Variants in TMEM207 observed in about 807,000 individuals in gnomAD.
TMEM207 encodes transmembrane protein 207.
Under a neutral mutation model 17.4 loss-of-function variants are expected in TMEM207, and 15 were observed. That is an observed-to-expected ratio of 0.86 (90% CI 0.58 to 1.33). The LOEUF is 1.33. Ranked by LOEUF, TMEM207 falls within the 40% of genes most tolerant of loss-of-function variation. The pLI, the probability that TMEM207 is intolerant of heterozygous loss-of-function variation, is 0.00. For synonymous variants in TMEM207, 70 were observed against 65.6 expected, an observed-to-expected ratio of 1.07 and a Z score of -0.33; for missense variants, 205 against 173.8, an observed-to-expected ratio of 1.18 and a Z score of -1.01.
At chr3:190,429,916 A>G (rs1182078821) in intron 4 of TMEM207, among the ~76,000 whole-genome samples, 185 bp from the exon 5 acceptor site, 2 of 82,838 alleles carry the variant, frequency 2.4e-5, no homozygotes, top group South Asian at 3.8e-4. Flanking sequence ...ACAGGGGGGA[A>G]AAAAAAAATT....
chr3:190,435,195 C>T (rs578186173), intron 4 of TMEM207, among the ~76,000 whole-genome samples: 3 of 152,280 alleles, frequency 2.0e-5, no homozygotes, highest in South Asian at 2.1e-4. Flanking sequence ...CATTTTCTCA[C>T]GATTGTGGAG....
At position 190,440,344 on chromosome 3, in the gene TMEM207, A is replaced by G. The variant is rs774959762; in HGVS notation, c.204T>C (p.Ala68=). 2 of 1,613,964 alleles carry G rather than the reference A, an allele frequency of 1.2e-6. No individual in the cohort carries two copies. Among genetic ancestry groups the G allele is most frequent in the Non-Finnish European group, 1.7e-6 (2 of 1,179,964 alleles). The change falls in exon 4 of 5, where the codon GCT becomes GCC. Residue 68 remains alanine (A), a synonymous_variant. Coordinates refer to ENST00000354905, the MANE Select transcript of TMEM207 (RefSeq NM_207316.3). The part of the protein sequence containing the change: ...LVLVAALLCG[A]VVLCLQCWLR... Reference sequence around the variant, plus strand: ...GCCAGCACTGGAGGCAGAGGACCACAGCTCCACAGAGAAGAGCTGCCACCA... The same window carrying G: ...GCCAGCACTGGAGGCAGAGGACCACGGCTCCACAGAGAAGAGCTGCCACCA...
Position 190,440,379 on chromosome 3 carries a change from G to C in TMEM207, c.169C>G (p.Leu57Val), listed in dbSNP as rs35161724. Residue 57 changes from leucine to valine, a missense_variant, in exon 4 of 5, where the codon CTG (leucine) becomes GTG (valine). By Grantham distance (32) the Leu-to-Val change is conservative (BLOSUM62 1). Coordinates refer to ENST00000354905, the MANE Select transcript of TMEM207 (RefSeq NM_207316.3). ...PNGWYIWILLLLVLVAALLCG... is the reference protein window; with the variant it reads ...PNGWYIWILLVLVLVAALLCG... ...AGAAGAGCTGCCACCAAAACCAGCAGCAGGAGGATCCTGACTCCAAAAGTA... is the reference window on the plus strand; with the variant it reads ...AGAAGAGCTGCCACCAAAACCAGCACCAGGAGGATCCTGACTCCAAAAGTA... The C allele has an allele frequency of 0.13, 202,939 of 1,610,356 alleles. 14,350 individuals carry two copies. Among genetic ancestry groups the C allele is most frequent in the Non-Finnish European group, 0.15 (173,780 of 1,178,608 alleles).
rs756766626 is a variant in TMEM207 at position 190,440,295 on chromosome 3, G to A, written c.253C>T (p.His85Tyr). The change falls in exon 4 of 5, where the codon CAC becomes TAC. Residue 85 changes from histidine (H) to tyrosine (Y), a missense_variant. By Grantham distance (83) the His-to-Tyr change is moderately conservative (BLOSUM62 2). Coordinates refer to ENST00000354905, the MANE Select transcript of TMEM207 (RefSeq NM_207316.3). Reference sequence around the variant, plus strand: ...GCAAAAACTGCCATGGTGCGCCTGTGAGAATCAATTCGGGGTCTCCTCAGC... The same window carrying A: ...GCAAAAACTGCCATGGTGCGCCTGTAAGAATCAATTCGGGGTCTCCTCAGC... ...CWLRRPRIDS[H>Y]RRTMAVFAVG... is the part of the protein sequence containing the mutation. 6.2e-7 allele frequency: 1 copy of A among 1,613,796 alleles called. No homozygotes were observed. Among genetic ancestry groups the A allele is most frequent in the South Asian group, 1.1e-5 (1 of 90,926 alleles).
At chr3:190,444,934 G>A (rs555584031) in intron 2 of TMEM207, among the ~76,000 whole-genome samples, 1 of 152,230 alleles carries the variant, frequency 6.6e-6, no homozygotes, top group East Asian at 1.9e-4. Flanking sequence ...AGGGATGGAT[G>A]AGTCACAAAT....
chr3:190,445,402 AAGAC>A, intron 2 of TMEM207, among the ~76,000 whole-genome samples: 1 of 152,366 alleles, frequency 6.6e-6, no homozygotes, highest in East Asian at 1.9e-4. Flanking sequence ...ATTTTATACA[AAGAC>A]AGCACAGCAA....
At chr3:190,445,281 C>T (rs540653090) in intron 2 of TMEM207, among the ~76,000 whole-genome samples, 1 of 152,112 alleles carries the variant, frequency 6.6e-6, no homozygotes, top group Non-Finnish European at 1.5e-5. Flanking sequence ...TTTGTTCATT[C>T]ATGCACATCA....
chr3:190,443,643 C>T (rs1209660191), intron 2 of TMEM207, among the ~76,000 whole-genome samples: 2 of 152,112 alleles, frequency 1.3e-5, no homozygotes, highest in African/African-American at 2.4e-5. Context: ...TCTTTTGGCT[C>T]CATATGCTCC....
Position 190,429,560 on chromosome 3 carries a change from C to T in TMEM207, c.*35G>A, listed in dbSNP as rs1209904446. On this transcript the variant is annotated 3_prime_UTR_variant, in exon 5 of 5. Transcript: ENST00000354905. ...TTTGATGTTTTGGAATTACAGATGT[C>T]GTTAATACTTTAAATTGATAATCCA... 5.0e-6 allele frequency: 8 copies of T among 1,606,518 alleles called. No individual in the cohort carries two copies. Among genetic ancestry groups the T allele is most frequent in the African/African-American group, 2.7e-5 (2 of 74,650 alleles).
chr3:190,443,463 G>A (rs1410301550), intron 2 of TMEM207, among the ~76,000 whole-genome samples: 3 of 151,974 alleles, frequency 2.0e-5, no homozygotes, highest in Non-Finnish European at 4.4e-5. Context: ...AACATGGCTA[G>A]GAAGCAGTTA....
chr3:190,446,276 ATATAGT>A (rs1183199699), intron 2 of TMEM207, among the ~76,000 whole-genome samples: 1 of 152,210 alleles, frequency 6.6e-6, no homozygotes, highest in Non-Finnish European at 1.5e-5. Context: ...TCTTGTATAA[ATATAGT>A]TAGAGAAAGA....
At chr3:190,443,120 T>C (rs1245108550) in intron 2 of TMEM207, among the ~76,000 whole-genome samples, 1 of 151,958 alleles carries the variant, frequency 6.6e-6, no homozygotes, top group African/African-American at 2.4e-5. Context: ...GAAATTCTCT[T>C]GGTGTCCTGA....
chr3:190,439,153 G>A (rs1719873058), intron 4 of TMEM207, among the ~76,000 whole-genome samples: 2 of 147,976 alleles, frequency 1.4e-5, no homozygotes, highest in Admixed American at 6.7e-5. Context: ...CTCCCGCCTG[G>A]GCGACAGAGC....
rs1719901328 is a variant in TMEM207, at chr3:190,440,286, T to C, written c.262A>G (p.Thr88Ala). ...TCTCCAACAGCAAAAACTGCCATGG[T>C]GCGCCTGTGAGAATCAATTCGGGGT... ...RRPRIDSHRR[T>A]MAVFAVGDLD... Residue 88 changes from threonine (T) to alanine (A), a missense_variant, in exon 4 of 5, where the codon ACC (threonine) becomes GCC (alanine). Physicochemically the swap from Thr to Ala is moderately conservative, Grantham distance 58. Transcript: ENST00000354905. 3 of 1,613,912 alleles carry C rather than the reference T, an allele frequency of 1.9e-6. No individual in the cohort carries two copies. In the African/African-American group the frequency reaches 4.0e-5, roughly 22 times the overall value.
intron 2 of TMEM207, chr3:190,444,531 C>T: frequency 1.2e-6 from 1 of 849,504 alleles, no homozygotes; most frequent in Non-Finnish European, 1.4e-6. Flanking sequence ...GAAATGAGAG[C>T]CTGGTGAGGA....
At position 190,447,866 on chromosome 3, in the gene TMEM207, C is replaced by T. The variant is rs200484486; in HGVS notation, c.76-39G>A. Reference sequence around the variant, plus strand: ...TTAGAACAATAAAATCCAAACATCTCATCAGTCTAATCCTTTAATACAAGC... The same window carrying T: ...TTAGAACAATAAAATCCAAACATCTTATCAGTCTAATCCTTTAATACAAGC... On this transcript the variant is annotated intron_variant, in intron 1 of 4. Coordinates refer to ENST00000354905, the MANE Select transcript of TMEM207 (RefSeq NM_207316.3). The T allele has an allele frequency of 1.6e-5, 25 of 1,597,248 alleles. No homozygotes were observed. In the African/African-American group the frequency reaches 3.2e-4, roughly 21 times the overall value.
chr3:190,438,428 C>T (rs918123458), intron 4 of TMEM207, among the ~76,000 whole-genome samples: 1 of 151,916 alleles, frequency 6.6e-6, no homozygotes. Flanking sequence ...CCTTCACACT[C>T]ATGACATTCA....
intron 2 of TMEM207, among the ~76,000 whole-genome samples, chr3:190,442,771 C>A (rs1719961690): frequency 6.6e-6 from 1 of 151,806 alleles, no homozygotes; most frequent in Non-Finnish European, 1.5e-5. Flanking sequence ...ATGGGACATA[C>A]TTACAAGGGA....
At chr3:190,443,286 T>C (rs1028345057) in intron 2 of TMEM207, among the ~76,000 whole-genome samples, 1 of 152,158 alleles carries the variant, frequency 6.6e-6, no homozygotes, top group Non-Finnish European at 1.5e-5. Flanking sequence ...CCTTTACTTA[T>C]CGTTAAACTC....
Sources: gnomAD v4.1 joint callset for allele counts (sites outside exome capture counted in the v4.1 genomes callset) on GRCh38, gnomAD v4.1.1 for gene constraint, MANE v1.5 for transcripts, NCBI Gene and HGNC (gene_info 2026-07-23, HGNC 2026-07-21) for gene names.